The following GATAD2B variants were observed in gnomAD, a reference collection of about 807,000 sequenced individuals.
GATAD2B encodes the protein GATA zinc finger domain containing 2B.
Under a neutral mutation model 64.3 loss-of-function variants are expected in GATAD2B, and 8 were observed. The observed-to-expected ratio is 0.12, with a 90% CI of 0.07 to 0.22. GATAD2B has a LOEUF of 0.22. Among genes scored for constraint, GATAD2B ranks in the 10% least tolerant of loss-of-function variants. The pLI is 1.00. For synonymous variants in GATAD2B, 281 were observed against 271.3 expected, an observed-to-expected ratio of 1.04 and a Z score of -0.35; for missense variants, 453 against 752.0, an observed-to-expected ratio of 0.60 and a Z score of 4.65.
chr1:153,824,361 G>A (rs975736473), intron 2 of GATAD2B, among the ~76,000 whole-genome samples: 6 of 152,144 alleles, frequency 3.9e-5, no homozygotes, highest in Admixed American at 1.3e-4. Flanking sequence ...TAGGTGTGGT[G>A]GCTCACGCCC....
chr1:153,828,628 C>T (rs892111855), intron 1 of GATAD2B, among the ~76,000 whole-genome samples: 1 of 151,554 alleles, frequency 6.6e-6, no homozygotes, highest in African/African-American at 2.4e-5. Flanking sequence ...GACACGTGCC[C>T]TTAATTCTAC....
At chr1:153,861,781 C>CAAAAAA (rs869141712) in intron 1 of GATAD2B, among the ~76,000 whole-genome samples, 38 of 85,712 alleles carry the variant, frequency 4.4e-4, no homozygotes, top group African/African-American at 1.2e-3. Flanking sequence ...GACTCCATTT[C>CAAAAAA]AAAAAAAAAA....
At chr1:153,830,614 T>C (rs1488022926) in intron 1 of GATAD2B, among the ~76,000 whole-genome samples, 3 of 149,008 alleles carry the variant, frequency 2.0e-5, no homozygotes, top group Admixed American at 1.3e-4. Flanking sequence ...TAGCTGGGAC[T>C]ACAGGCGCCC....
At chr1:153,818,280 G>T in intron 4 of GATAD2B, 109 bp from the exon 5 acceptor site, 1 of 908,506 alleles carries the variant, frequency 1.1e-6, no homozygotes, top group Non-Finnish European at 1.6e-6. Context: ...TTGTCAATCA[G>T]GAGGAAAAAC....
intron 1 of GATAD2B, among the ~76,000 whole-genome samples, chr1:153,857,403 G>A (rs1001824912): frequency 3.9e-5 from 6 of 152,122 alleles, no homozygotes; most frequent in South Asian, 4.1e-4. Context: ...CCAAGATCGC[G>A]CCACTGCACT....
intron 1 of GATAD2B, among the ~76,000 whole-genome samples, chr1:153,917,593 C>T (rs1392702878): frequency 6.6e-6 from 1 of 151,980 alleles, no homozygotes; most frequent in African/African-American, 2.4e-5. Flanking sequence ...CGGGGTTTCA[C>T]CATGTTGGCT....
chr1:153,891,959 C>T (rs1334530235), intron 1 of GATAD2B, among the ~76,000 whole-genome samples: 1 of 151,484 alleles, frequency 6.6e-6, no homozygotes, highest in Non-Finnish European at 1.5e-5. Flanking sequence ...GTCAAGAAAT[C>T]GAGACCATCC....
intron 1 of GATAD2B, among the ~76,000 whole-genome samples, chr1:153,840,848 G>A (rs1414874972): frequency 2.0e-5 from 3 of 152,000 alleles, no homozygotes; most frequent in Admixed American, 6.6e-5. Context: ...GAGATAGGCC[G>A]GGCACGGTGG....
At chr1:153,876,845 A>G (rs1320803440) in intron 1 of GATAD2B, among the ~76,000 whole-genome samples, 1 of 152,114 alleles carries the variant, frequency 6.6e-6, no homozygotes, top group African/African-American at 2.4e-5. Flanking sequence ...TCTACTAAAA[A>G]TACAAAAATT....
intron 1 of GATAD2B, among the ~76,000 whole-genome samples, chr1:153,862,921 T>C (rs926592366): frequency 1.3e-5 from 2 of 151,142 alleles, no homozygotes; most frequent in African/African-American, 4.9e-5. Context: ...ACAGGGTTTC[T>C]TCATGTTGGT....
intron 2 of GATAD2B, among the ~76,000 whole-genome samples, chr1:153,822,518 CTGTT>C (rs772469126): frequency 2.6e-5 from 4 of 152,124 alleles, no homozygotes; most frequent in Admixed American, 1.3e-4. Context: ...CAAAGCCTCT[CTGTT>C]TTTCTTTTGA....
At position 153,833,512 on chromosome 1, in the gene GATAD2B, G is replaced by A. The variant is rs796794965; in HGVS notation, c.-1-5164C>T. Among the ~76,000 whole-genome samples the A allele has an allele frequency of 3.3e-5, 5 of 152,242 alleles. 1 individual carries two copies. The highest frequency in any genetic ancestry group is 1.2e-4 in the African/African-American group (5 of 41,554). ...ATCAAGGAGTAATTTTAACTTTCAA[G>A]TCTTACTATGTAAGAAATATTGCTG... On this transcript the variant is annotated intron_variant, in intron 1 of 10. Transcript: ENST00000368655.
At chr1:153,875,683 GAAAAA>G (rs11340415) in intron 1 of GATAD2B, among the ~76,000 whole-genome samples, 8 of 78,408 alleles carry the variant, frequency 1.0e-4, no homozygotes, top group Middle Eastern at 9.1e-3. Context: ...AGTTTGGAGG[GAAAAA>G]AAAAAAAAAA....
At chr1:153,830,470 T>TTTTATTTTA (rs1675037442) in intron 1 of GATAD2B, among the ~76,000 whole-genome samples, 1 of 136,462 alleles carries the variant, frequency 7.3e-6, no homozygotes, top group African/African-American at 2.7e-5. Context: ...TTTTATTTTA[T>TTTTATTTTA]TTTATTTATT....
intron 1 of GATAD2B, among the ~76,000 whole-genome samples, chr1:153,831,922 A>G (rs1675089389): frequency 6.6e-6 from 1 of 152,200 alleles, no homozygotes; most frequent in Admixed American, 6.5e-5. Flanking sequence ...TACTTTGTTA[A>G]AGGAAAACAA....
chr1:153,884,387 G>A (rs1048699767), intron 1 of GATAD2B, among the ~76,000 whole-genome samples: 2 of 152,098 alleles, frequency 1.3e-5, no homozygotes, highest in Non-Finnish European at 2.9e-5. Context: ...AGCTTGCAGT[G>A]AGCTGAGATC....
At chr1:153,849,585 T>C (rs528521141) in intron 1 of GATAD2B, among the ~76,000 whole-genome samples, 3 of 152,318 alleles carry the variant, frequency 2.0e-5, no homozygotes, top group African/African-American at 7.2e-5. Flanking sequence ...ATGCATTCTA[T>C]CTGTAAACTC....
In GATAD2B at chr1:153,833,380, T is replaced by C. The variant is rs145521972; in HGVS notation, c.-1-5032A>G. 4.1e-3 allele frequency among the ~76,000 whole-genome samples: 620 copies of C among 152,266 alleles called. 5 individuals carry two copies. Among genetic ancestry groups the C allele is most frequent in the African/African-American group, 0.014 (581 of 41,566 alleles). On this transcript the variant is annotated intron_variant, in intron 1 of 10. Transcript: ENST00000368655. ...CAGAAAAAAGATCCCTTTCAAAATA[T>C]TACTGCTCATTGACAATGCACCCAG...
chr1:153,920,089 G>C (rs1334071239), intron 1 of GATAD2B, among the ~76,000 whole-genome samples: 1 of 152,206 alleles, frequency 6.6e-6, no homozygotes, highest in Non-Finnish European at 1.5e-5. Flanking sequence ...CCAGAGTCTA[G>C]AAATCAGGAC....
Sources: gnomAD v4.1 joint callset for allele counts (sites outside exome capture counted in the v4.1 genomes callset) on GRCh38, gnomAD v4.1.1 for gene constraint, MANE v1.5 for transcripts, NCBI Gene and HGNC (gene_info 2026-07-23, HGNC 2026-07-21) for gene names.